MTUS2: variants seen among roughly 807,000 people sequenced by gnomAD.
MTUS2 encodes microtubule associated scaffold protein 2, also known as microtubule-associated tumor suppressor candidate 2.
Under a neutral mutation model 114.1 loss-of-function variants are expected in MTUS2, and 40 were observed. That is an observed-to-expected ratio of 0.35 (90% CI 0.27 to 0.46). MTUS2 has a LOEUF of 0.46. MTUS2 is among the 20% of genes least tolerant of loss of function. The pLI, the probability that MTUS2 is intolerant of heterozygous loss-of-function variation, is 1.00. For missense variants in MTUS2, 1,679 were observed against 1,705.4 expected (o/e 0.98, Z 0.27); for synonymous variants, 688 against 672.0 (o/e 1.02, Z -0.37).
intron 6 of MTUS2, 77 bp from the exon 7 acceptor site, chr13:29,324,536 C>A: frequency 9.0e-7 from 1 of 1,109,940 alleles, no homozygotes; most frequent in East Asian, 2.6e-5. Flanking sequence ...TGAAGCCACC[C>A]TTTCCACAAC....
At chr13:29,318,743 CT>C in intron 6 of MTUS2, among the ~76,000 whole-genome samples, 1 of 152,260 alleles carries the variant, frequency 6.6e-6, no homozygotes, top group African/African-American at 2.4e-5. Context: ...GTGGAAGGCC[CT>C]TGTCCACGGG....
chr13:29,086,839 T>C (rs1889713635), intron 4 of MTUS2, among the ~76,000 whole-genome samples: 1 of 152,208 alleles, frequency 6.6e-6, no homozygotes, highest in African/African-American at 2.4e-5. Context: ...TTCACCTCCC[T>C]GGTTAGCTGT....
chr13:29,363,487 C>A (rs1870439473), intron 8 of MTUS2, among the ~76,000 whole-genome samples: 1 of 152,058 alleles, frequency 6.6e-6, no homozygotes, highest in Non-Finnish European at 1.5e-5. Context: ...TAATAATTCA[C>A]CAACCTCCTT....
rs368121361 is a variant in MTUS2, at chr13:29,100,854, G to A, written c.2528G>A (p.Arg843His). ...KSGLRPPGYS[R>H]LPAAKLAAFG... is the part of the protein sequence containing the mutation. The stretch of plus-strand genomic sequence containing the variant: ...GGTCTCCGTCCTCCCGGATACTCAC[G>A]TCTCCCGGCAGCCAAACTGGCGGCA... Residue 843 changes from arginine to histidine, a missense_variant, in exon 5 of 16, where the codon CGT (arginine) becomes CAT (histidine). Arg to His is a conservative substitution (Grantham distance 29). Around this residue, in one of 3 missense-constraint regions of MTUS2, gnomAD observed 822 missense variants for 899.7 expected, o/e 0.91. Coordinates refer to ENST00000612955, the MANE Select transcript of MTUS2 (RefSeq NM_001033602.4). 1.4e-5 allele frequency: 21 copies of A among 1,552,830 alleles called. No individual in the cohort carries two copies. The highest frequency in any genetic ancestry group is 9.7e-5 in the East Asian group (4 of 41,044).
At chr13:29,142,088 C>T (rs1391849443) in intron 5 of MTUS2, among the ~76,000 whole-genome samples, 1 of 151,906 alleles carries the variant, frequency 6.6e-6, no homozygotes, top group Non-Finnish European at 1.5e-5. Context: ...TCTCGATCTC[C>T]TGACCTCATG....
chr13:29,268,421 G>A (rs1338636892), intron 5 of MTUS2, among the ~76,000 whole-genome samples: 1 of 152,158 alleles, frequency 6.6e-6, no homozygotes, highest in African/African-American at 2.4e-5. Flanking sequence ...TACTCTGTGT[G>A]TGTGAAAGTC....
chr13:29,259,716 A>G (rs191069030), intron 5 of MTUS2, among the ~76,000 whole-genome samples: 160 of 152,382 alleles, frequency 1.0e-3, no homozygotes, highest in African/African-American at 3.3e-3. Flanking sequence ...GTTACTAATA[A>G]AAATGAATAA....
chr13:29,399,446 C>T (rs2138483657), intron 8 of MTUS2, among the ~76,000 whole-genome samples: 1 of 152,268 alleles, frequency 6.6e-6, no homozygotes, highest in South Asian at 2.1e-4. Flanking sequence ...CAGTTGCCCT[C>T]GTTCAAACAA....
At chr13:29,058,665 A>T (rs1052886534) in intron 4 of MTUS2, among the ~76,000 whole-genome samples, 3 of 149,452 alleles carry the variant, frequency 2.0e-5, no homozygotes, top group Non-Finnish European at 4.4e-5. Context: ...TGCACCCAGT[A>T]ACTCGTCATT....
intron 4 of MTUS2, among the ~76,000 whole-genome samples, chr13:29,051,938 T>C (rs1887916273): frequency 6.6e-6 from 1 of 152,184 alleles, no homozygotes; most frequent in South Asian, 2.1e-4. Context: ...GATTCTGTTA[T>C]GGTCAGGGTT....
intron 7 of MTUS2, among the ~76,000 whole-genome samples, chr13:29,333,894 A>T (rs1195938074): frequency 2.6e-5 from 4 of 152,208 alleles, no homozygotes; most frequent in Non-Finnish European, 5.9e-5. Context: ...ATATGTATTT[A>T]GAATGGTTAG....
At chr13:28,981,439 T>C (rs1027587118) in intron 2 of MTUS2, among the ~76,000 whole-genome samples, 2 of 152,072 alleles carry the variant, frequency 1.3e-5, no homozygotes, top group Non-Finnish European at 2.9e-5. Context: ...GGAGGAAATT[T>C]TGGAGGGTGA....
At chr13:29,218,635 T>G (rs904722937) in intron 5 of MTUS2, among the ~76,000 whole-genome samples, 1 of 152,208 alleles carries the variant, frequency 6.6e-6, no homozygotes. Flanking sequence ...GGCCACAGAA[T>G]GGATATTGTG....
At chr13:29,080,484 C>T (rs964045793) in intron 4 of MTUS2, among the ~76,000 whole-genome samples, 4 of 152,146 alleles carry the variant, frequency 2.6e-5, no homozygotes, top group Non-Finnish European at 5.9e-5. Flanking sequence ...CCACAATAGG[C>T]TGTCTGCAAG....
intron 5 of MTUS2, among the ~76,000 whole-genome samples, chr13:29,247,654 C>A (rs1375759154): frequency 6.6e-6 from 1 of 152,162 alleles, no homozygotes; most frequent in Non-Finnish European, 1.5e-5. Context: ...AAAAAATGCT[C>A]ATCATCACTA....
intron 8 of MTUS2, among the ~76,000 whole-genome samples, chr13:29,396,304 T>C (rs1334483421): frequency 6.6e-6 from 1 of 152,230 alleles, no homozygotes; most frequent in Non-Finnish European, 1.5e-5. Context: ...ATGTATTTTT[T>C]CAGTTTTCTG....
intron 4 of MTUS2, among the ~76,000 whole-genome samples, chr13:29,070,047 G>A (rs946773555): frequency 6.6e-6 from 1 of 152,168 alleles, no homozygotes; most frequent in African/African-American, 2.4e-5. Flanking sequence ...CTGAGAAGGT[G>A]GACAGTACTG....
chr13:29,025,737 G>T lies in MTUS2; in HGVS notation c.1039G>T (p.Asp347Tyr), dbSNP rs200556186. The change falls in exon 3 of 16, where the codon GAT becomes TAT. Residue 347 changes from aspartate to tyrosine, a missense_variant. This residue lies in a region of MTUS2 where 843 missense variants were observed against 770.8 expected (regional missense o/e 1.09). Coordinates refer to ENST00000612955, the MANE Select transcript of MTUS2 (RefSeq NM_001033602.4). ...EENLSALEGR[D>Y]PCGEAHPEAT... is the part of the protein sequence containing the mutation. ...GAATCTGTCAGCCTTGGAGGGAAGG[G>T]ATCCATGTGGGGAAGCACACCCGGA... is the stretch of plus-strand genomic sequence containing the variant. 1.7e-4 allele frequency: 278 copies of T among 1,614,004 alleles called. No homozygotes were observed. In the Admixed American group the frequency reaches 4.6e-3, roughly 27 times the overall value.
chr13:29,195,149 C>T (rs1276916721), intron 5 of MTUS2, among the ~76,000 whole-genome samples: 58 of 148,038 alleles, frequency 3.9e-4, no homozygotes, highest in African/African-American at 1.1e-3. Flanking sequence ...CGCTAAATGA[C>T]GAGTTAATGG....
Sources: gnomAD v4.1 joint callset for allele counts (sites outside exome capture counted in the v4.1 genomes callset) on GRCh38, gnomAD v4.1.1 for gene constraint, gnomAD v4.1.1 regional missense constraint, MANE v1.5 for transcripts, NCBI Gene and HGNC (gene_info 2026-07-23, HGNC 2026-07-21) for gene names.